The following TFDP2 variants were observed in gnomAD, a reference collection of about 807,000 sequenced individuals.
The protein encoded by TFDP2 is transcription factor Dp-2, also known as transcription factor Dp-2 (E2F dimerization partner 2).
In TFDP2, 17 loss-of-function variants were observed where a neutral mutation model predicts 59.3. The ratio of observed to expected loss-of-function variants is 0.29; its 90% CI spans 0.20 to 0.43. TFDP2 has a LOEUF of 0.43. Among genes scored for constraint, TFDP2 ranks in the 20% least tolerant of loss-of-function variants. The pLI is 1.00. For synonymous variants in TFDP2, 180 were observed against 194.7 expected (o/e 0.92, Z 0.63); for missense variants, 391 against 528.8 (o/e 0.74, Z 2.56).
intron 2 of TFDP2, among the ~76,000 whole-genome samples, chr3:142,095,083 C>T (rs1485173511): frequency 6.6e-6 from 1 of 151,824 alleles, no homozygotes; most frequent in Non-Finnish European, 1.5e-5. Flanking sequence ...CTCTGCGTCC[C>T]GGGTTCAAGC....
chr3:142,081,161 T>C (rs553354302), intron 3 of TFDP2, among the ~76,000 whole-genome samples: 1 of 152,236 alleles, frequency 6.6e-6, no homozygotes, highest in South Asian at 2.1e-4. Flanking sequence ...GGAATAAAAC[T>C]AGACATCAAT....
At chr3:142,098,278 A>C (rs1296404161) in intron 2 of TFDP2, among the ~76,000 whole-genome samples, 1 of 151,526 alleles carries the variant, frequency 6.6e-6, no homozygotes, top group Non-Finnish European at 1.5e-5. Flanking sequence ...GCAAAAAAAA[A>C]AAACCCTCAA....
At chr3:142,110,318 A>T (rs1356300600) in intron 1 of TFDP2, among the ~76,000 whole-genome samples, 1 of 152,122 alleles carries the variant, frequency 6.6e-6, no homozygotes, top group Non-Finnish European at 1.5e-5. Flanking sequence ...AGCCTGGTCA[A>T]CACGATGAAA....
At chr3:141,956,275 T>G (rs1936622389) in intron 11 of TFDP2, among the ~76,000 whole-genome samples, 1 of 152,130 alleles carries the variant, frequency 6.6e-6, no homozygotes, top group East Asian at 1.9e-4. Flanking sequence ...AAAAGACAAG[T>G]AACTCTACTT....
intron 10 of TFDP2, among the ~76,000 whole-genome samples, chr3:141,960,084 ACT>A (rs1243901592): frequency 3.9e-5 from 6 of 152,118 alleles, no homozygotes; most frequent in African/African-American, 2.4e-5. Context: ...TTTAGCCCTA[ACT>A]CTGTTACAAA....
intron 3 of TFDP2, among the ~76,000 whole-genome samples, chr3:142,034,838 G>A (rs1946615077): frequency 6.6e-6 from 1 of 151,752 alleles, no homozygotes; most frequent in Admixed American, 6.6e-5. Context: ...CTCCCAAGTA[G>A]CTGGGACTAC....
chr3:141,974,567 C>T lies in TFDP2; in HGVS notation c.520-376G>A, dbSNP rs1940312658. Among the ~76,000 whole-genome samples, 3 of 152,056 alleles carry T rather than the reference C, an allele frequency of 2.0e-5. No homozygotes were observed. The South Asian group carries it at 6.2e-4, about 32-fold the overall frequency. On this transcript the variant is annotated intron_variant, in intron 7 of 12. Coordinates refer to ENST00000489671, the MANE Select transcript of TFDP2 (RefSeq NM_001178139.2). ...CAAAAAAGTAAATATGTGGGTAAAT[C>T]TCAATTTTCACTGTATAAAACAATA...
intron 6 of TFDP2, among the ~76,000 whole-genome samples, chr3:141,990,145 T>A (rs1368625898): frequency 5.3e-5 from 8 of 152,176 alleles, no homozygotes; most frequent in Non-Finnish European, 1.0e-4. Flanking sequence ...ATGGCCACCC[T>A]GGCCTCCCAA....
intron 3 of TFDP2, among the ~76,000 whole-genome samples, chr3:142,006,655 T>C (rs748790817): frequency 6.6e-6 from 1 of 152,002 alleles, no homozygotes; most frequent in Non-Finnish European, 1.5e-5. Context: ...TTTGTAGAGA[T>C]GGGGTCTTGC....
chr3:142,143,281 C>A (rs746737429), intron 1 of TFDP2, among the ~76,000 whole-genome samples: 89 of 152,068 alleles, frequency 5.9e-4, no homozygotes, highest in Non-Finnish European at 6.2e-4. Flanking sequence ...AAATCTAAGA[C>A]CTTAAACTGT....
chr3:142,072,808 A>T (rs2060291766), intron 3 of TFDP2, among the ~76,000 whole-genome samples: 2 of 152,236 alleles, frequency 1.3e-5, no homozygotes, highest in Admixed American at 6.5e-5. Flanking sequence ...TAAATGATTG[A>T]ATCAATAGAG....
intron 1 of TFDP2, among the ~76,000 whole-genome samples, chr3:142,110,626 G>C (rs1241933444): frequency 2.0e-5 from 3 of 151,952 alleles, no homozygotes; most frequent in Admixed American, 6.6e-5. Context: ...CTTATTGATA[G>C]CCAGCTACCC....
chr3:141,979,832 G>A (rs1263872000), intron 6 of TFDP2, among the ~76,000 whole-genome samples: 3 of 151,580 alleles, frequency 2.0e-5, no homozygotes, highest in Admixed American at 1.3e-4. Context: ...CAGGTGATCT[G>A]CCTGCCTCGG....
At position 141,947,188 on chromosome 3, in the gene TFDP2, T is replaced by A. The variant is rs1377585093; in HGVS notation, c.*5325A>T. 2 of 152,234 alleles carry A rather than the reference T, an allele frequency of 1.3e-5. No individual in the cohort carries two copies. Among genetic ancestry groups the A allele is most frequent in the Non-Finnish European group, 2.9e-5 (2 of 68,062 alleles). 9.4% of individuals were successfully genotyped at this position (152,234 alleles called of 1,614,324 possible). On this transcript the variant is annotated 3_prime_UTR_variant, in exon 13 of 13. Coordinates refer to ENST00000489671, the MANE Select transcript of TFDP2 (RefSeq NM_001178139.2). ...CAAATGGCATGGTGCAGGCTCCTGA[T>A]ACATAGTGTGGGTCTTTGGGAAATG...
At chr3:142,111,732 T>C (rs1373741401) in intron 1 of TFDP2, among the ~76,000 whole-genome samples, 1 of 151,790 alleles carries the variant, frequency 6.6e-6, no homozygotes, top group Non-Finnish European at 1.5e-5. Flanking sequence ...AGAGATGAGG[T>C]AGGAAGCCAG....
At chr3:142,095,147 C>T (rs1396030928) in intron 2 of TFDP2, among the ~76,000 whole-genome samples, 7 of 152,210 alleles carry the variant, frequency 4.6e-5, no homozygotes, top group Non-Finnish European at 8.8e-5. Context: ...TCCACCACCA[C>T]GCCCAGCTAA....
chr3:141,973,925 A>C (rs1940217964), intron 8 of TFDP2, 123 bp downstream of exon 8: 2 of 1,162,508 alleles, frequency 1.7e-6, no homozygotes, highest in Non-Finnish European at 2.4e-6. Flanking sequence ...CAGTCTGTTA[A>C]AAAATGACAT....
chr3:142,072,410 G>C (rs1452185871), intron 3 of TFDP2, among the ~76,000 whole-genome samples: 1 of 152,160 alleles, frequency 6.6e-6, no homozygotes, highest in Non-Finnish European at 1.5e-5. Context: ...TTCTATGAAA[G>C]ACTAAGAAAA....
At chr3:142,023,604 G>A (rs755719384) in intron 3 of TFDP2, among the ~76,000 whole-genome samples, 1 of 152,098 alleles carries the variant, frequency 6.6e-6, no homozygotes, top group Non-Finnish European at 1.5e-5. Flanking sequence ...TAAAAGAGGG[G>A]ATCGTTGTTT....
Sources: allele counts gnomAD v4.1 joint callset (sites outside exome capture counted in the v4.1 genomes callset), GRCh38; gene constraint gnomAD v4.1.1; transcripts MANE v1.5; gene names NCBI Gene and HGNC (gene_info 2026-07-23, HGNC 2026-07-21).